The following SUMF1 variants were observed in gnomAD, a reference collection of about 807,000 sequenced individuals.
SUMF1 encodes formylglycine-generating enzyme.
Under a neutral mutation model 47.6 loss-of-function variants are expected in SUMF1, and 48 were observed. The ratio of observed to expected loss-of-function variants is 1.01; its 90% CI spans 0.80 to 1.28. The LOEUF (loss-of-function observed/expected upper bound fraction) is 1.28. SUMF1 is among the 50% of genes most tolerant of loss of function. The probability of loss-of-function intolerance (pLI) is 0.00; values close to 1 mark genes in which losing one functional copy is unlikely to be tolerated. For synonymous variants in SUMF1, 230 were observed against 192.1 expected, an observed-to-expected ratio of 1.20 and a Z score of -1.63; for missense variants, 571 against 485.4, an observed-to-expected ratio of 1.18 and a Z score of -1.66.
intron 8 of SUMF1, among the ~76,000 whole-genome samples, chr3:4,103,390 T>C (rs931292628): frequency 2.6e-5 from 4 of 152,026 alleles, no homozygotes; most frequent in Admixed American, 2.0e-4. Context: ...AGGAATACTA[T>C]AGGAATTCAA....
At position 4,199,127 on chromosome 3, in the gene SUMF1, G is replaced by C. The variant is rs1463902137; in HGVS notation, c.1015-130382C>G. Among the ~76,000 whole-genome samples, 3 of 152,076 alleles carry C rather than the reference G, an allele frequency of 2.0e-5. No individual in the cohort carries two copies. In the East Asian group the frequency reaches 5.8e-4, roughly 29 times the overall value. On this transcript the variant is annotated intron_variant and NMD_transcript_variant, in intron 8 of 12. Coordinates refer to the SUMF1 transcript ENST00000448413. ...TTTAGAACTTTCTATCACTCAAAAAGTTGCCTTGTATCCAATTGCCTTCAA... is the reference window on the plus strand; with the variant it reads ...TTTAGAACTTTCTATCACTCAAAAACTTGCCTTGTATCCAATTGCCTTCAA...
At chr3:4,135,932 C>G (rs1387318911) in intron 8 of SUMF1, among the ~76,000 whole-genome samples, 1 of 152,028 alleles carries the variant, frequency 6.6e-6, no homozygotes, top group Non-Finnish European at 1.5e-5. Context: ...TGTGAAGGAC[C>G]TTTTCAAGGA....
At chr3:4,388,754 A>G (rs1575163664) in intron 7 of SUMF1, among the ~76,000 whole-genome samples, 1 of 152,062 alleles carries the variant, frequency 6.6e-6, no homozygotes, top group South Asian at 2.1e-4. Flanking sequence ...AGTGGCTGCT[A>G]AAAGGTGTAT....
chr3:4,104,439 T>G (rs1284547539), intron 8 of SUMF1, among the ~76,000 whole-genome samples: 1 of 151,994 alleles, frequency 6.6e-6, no homozygotes, highest in African/African-American at 2.4e-5. Flanking sequence ...CACTCCCCAC[T>G]CTTCATCCTG....
chr3:4,186,579 C>G (rs879536844), intron 8 of SUMF1, among the ~76,000 whole-genome samples: 4 of 152,130 alleles, frequency 2.6e-5, no homozygotes, highest in Admixed American at 2.6e-4. Context: ...CATTACTCTA[C>G]TCTCCCTTAG....
intron 3 of SUMF1, among the ~76,000 whole-genome samples, chr3:4,429,229 G>C (rs1702161641): frequency 6.6e-6 from 1 of 152,220 alleles, no homozygotes; most frequent in African/African-American, 2.4e-5. Flanking sequence ...AATATTATTA[G>C]ATGGTACGGT....
intron 8 of SUMF1, among the ~76,000 whole-genome samples, chr3:4,254,649 G>C (rs1424418741): frequency 3.7e-4 from 45 of 120,792 alleles, no homozygotes; most frequent in Non-Finnish European, 7.2e-4. Flanking sequence ...TGGTGTACCT[G>C]AAAGTGATGG....
chr3:4,370,638 A>G (rs1022949764), intron 8 of SUMF1, among the ~76,000 whole-genome samples: 1 of 152,200 alleles, frequency 6.6e-6, no homozygotes, highest in Non-Finnish European at 1.5e-5. Flanking sequence ...AGACATATAC[A>G]AGAGATTATT....
chr3:4,243,007 G>A (rs754321899), intron 8 of SUMF1, among the ~76,000 whole-genome samples: 1 of 151,362 alleles, frequency 6.6e-6, no homozygotes, highest in Non-Finnish European at 1.5e-5. Flanking sequence ...TCTTGGGAGG[G>A]TGTATGTATC....
intron 8 of SUMF1, 90 bp from the exon 9 acceptor site, chr3:4,362,344 CAG>C: frequency 9.4e-7 from 1 of 1,061,032 alleles, no homozygotes; most frequent in Middle Eastern, 2.0e-4. Context: ...CGGCTGTAGA[CAG>C]TGCTTCCCCA....
chr3:4,317,743 T>C (rs1698722259), intron 8 of SUMF1, among the ~76,000 whole-genome samples: 1 of 152,236 alleles, frequency 6.6e-6, no homozygotes. Flanking sequence ...TGTGTTACCA[T>C]TGAACAAATC....
rs564408056 is a variant in SUMF1 at position 4,138,942 on chromosome 3, T to G, written c.1015-70197A>C. On this transcript the variant is annotated intron_variant and NMD_transcript_variant, in intron 8 of 12. Coordinates refer to the SUMF1 transcript ENST00000448413. ...TGTATGCTGGATTTTTTATATATTA[T>G]GACATAGTATGGTAATGAGCATTTC... is the stretch of plus-strand genomic sequence containing the variant. Among the ~76,000 whole-genome samples the G allele has an allele frequency of 1.1e-4, 16 of 152,198 alleles. 1 individual carries two copies. The East Asian group carries it at 3.1e-3, about 29-fold the overall frequency.
intron 8 of SUMF1, among the ~76,000 whole-genome samples, chr3:4,363,088 A>G (rs1000830964): frequency 2.6e-5 from 4 of 152,186 alleles, no homozygotes; most frequent in Non-Finnish European, 5.9e-5. Flanking sequence ...CATGTTTCCT[A>G]TATGAAACCT....
chr3:4,458,385 G>A (rs1453396230), intron 1 of SUMF1, among the ~76,000 whole-genome samples: 4 of 152,092 alleles, frequency 2.6e-5, no homozygotes, highest in Non-Finnish European at 5.9e-5. Flanking sequence ...TGGGTATATG[G>A]CCAAAGGAAA....
At chr3:4,105,303 G>A (rs573943792) in intron 8 of SUMF1, among the ~76,000 whole-genome samples, 1 of 152,242 alleles carries the variant, frequency 6.6e-6, no homozygotes, top group African/African-American at 2.4e-5. Flanking sequence ...AAGATTTTGA[G>A]ATCTCTCGCA....
In SUMF1 at chr3:4,111,082, G is replaced by T. The variant is rs377075999; in HGVS notation, c.1015-42337C>A. Among the ~76,000 whole-genome samples the T allele has an allele frequency of 1.1e-4, 17 of 150,362 alleles. 3 individuals are homozygous for T. The highest frequency in any genetic ancestry group is 1.9e-4 in the East Asian group (1 of 5,144). On this transcript the variant is annotated intron_variant and NMD_transcript_variant, in intron 8 of 12. Coordinates refer to the SUMF1 transcript ENST00000448413. ...GATCAAAGTCAGCATTTTTTTTAAT[G>T]AAATGATTAAGAAAGAAAATACACC...
At chr3:4,421,998 A>T (rs1437500268) in intron 3 of SUMF1, among the ~76,000 whole-genome samples, 1 of 152,262 alleles carries the variant, frequency 6.6e-6, no homozygotes, top group Non-Finnish European at 1.5e-5. Context: ...CAATCAGAAC[A>T]TTCATGATAT....
intron 8 of SUMF1, among the ~76,000 whole-genome samples, chr3:4,186,553 A>G (rs1330889728): frequency 6.6e-6 from 1 of 152,108 alleles, no homozygotes; most frequent in Non-Finnish European, 1.5e-5. Context: ...GAGTAAGTGG[A>G]AGCTGAAATA....
At chr3:4,229,084 C>T (rs949502062) in intron 8 of SUMF1, among the ~76,000 whole-genome samples, 37 of 152,126 alleles carry the variant, frequency 2.4e-4, no homozygotes, top group African/African-American at 8.0e-4. Context: ...AAAACGGCAA[C>T]TAGCCTCCAG....
Sources: allele counts gnomAD v4.1 joint callset (sites outside exome capture counted in the v4.1 genomes callset), GRCh38; gene constraint gnomAD v4.1.1; transcripts MANE v1.5; gene names NCBI Gene and HGNC (gene_info 2026-07-23, HGNC 2026-07-21).